Variants in LRRC4C observed in about 807,000 individuals in gnomAD.
LRRC4C encodes the protein leucine rich repeat containing 4C, also known as leucine-rich repeat-containing protein 4C.
In LRRC4C, 5 loss-of-function variants were observed where a neutral mutation model predicts 33.6. That is an observed-to-expected ratio of 0.15 (90% CI 0.08 to 0.31). The LOEUF is 0.31. Ranked by LOEUF, LRRC4C falls within the 10% of genes least tolerant of loss-of-function variation. The pLI is 1.00. For synonymous variants in LRRC4C, 329 were observed against 302.0 expected, an observed-to-expected ratio of 1.09 and a Z score of -0.93; for missense variants, 560 against 796.7, an observed-to-expected ratio of 0.70 and a Z score of 3.58.
rs144179757 is a variant in LRRC4C at position 40,331,879 on chromosome 11, A to G, written c.-269-12158T>C. On this transcript the variant is annotated intron_variant, in intron 3 of 6. Transcript: ENST00000528697. ...CATATTGTGGTACTTCATAGTTTCC[A>G]TAATTACATAAGCCAATTCTCATAA... Among the ~76,000 whole-genome samples the G allele has an allele frequency of 8.5e-3, 1,288 of 152,282 alleles. 10 individuals are homozygous for G. Among genetic ancestry groups the G allele is most frequent in the Non-Finnish European group, 0.012 (788 of 68,018 alleles).
At chr11:40,887,027 A>T (rs964024417) in intron 2 of LRRC4C, among the ~76,000 whole-genome samples, 1 of 150,338 alleles carries the variant, frequency 6.7e-6, no homozygotes, top group African/African-American at 2.4e-5. Context: ...CATACGAGAA[A>T]ATATATATAT....
chr11:40,539,193 CA>C (rs1255267085), intron 3 of LRRC4C, among the ~76,000 whole-genome samples: 1 of 152,196 alleles, frequency 6.6e-6, no homozygotes, highest in African/African-American at 2.4e-5. Context: ...TCAGGACTCA[CA>C]GATGCTTTCA....
At chr11:40,368,391 C>G (rs557696372) in intron 3 of LRRC4C, among the ~76,000 whole-genome samples, 5 of 152,110 alleles carry the variant, frequency 3.3e-5, no homozygotes, top group South Asian at 2.1e-4. Context: ...TCTGTGGGAG[C>G]CTGAATCAAA....
At chr11:40,681,817 C>G (rs1031340907) in intron 2 of LRRC4C, among the ~76,000 whole-genome samples, 1 of 152,116 alleles carries the variant, frequency 6.6e-6, no homozygotes, top group Non-Finnish European at 1.5e-5. Context: ...AGATTAGAGA[C>G]TATTATTCTA....
In LRRC4C at chr11:40,255,170, G is replaced by A. The variant is rs1867105479; in HGVS notation, c.-175-13572C>T. The stretch of plus-strand genomic sequence containing the variant: ...CCAGTCAATCAGGGAGGATGTACAG[G>A]AAGTATGAGGATAGGACTATACTTT... On this transcript the variant is annotated intron_variant, in intron 4 of 6. Coordinates refer to ENST00000528697, the MANE Select transcript of LRRC4C (RefSeq NM_001258419.2). Among the ~76,000 whole-genome samples, 3 of 152,172 alleles carry A rather than the reference G, an allele frequency of 2.0e-5. No individual in the cohort carries two copies. The South Asian group carries it at 6.2e-4, about 32-fold the overall frequency.
intron 2 of LRRC4C, among the ~76,000 whole-genome samples, chr11:40,749,329 T>C (rs561161076): frequency 2.6e-5 from 4 of 151,486 alleles, no homozygotes; most frequent in Non-Finnish European, 4.4e-5. Context: ...TTGGAAATGA[T>C]ACAAATACAT....
rs1042690445 is a variant in LRRC4C at position 40,832,619 on chromosome 11, G to A, written c.-407+101016C>T. ...CACAAATGGCAAGCAAATAAAAGCC[G>A]CGGTGGGAATCTAGTACTTGTGTCT... On this transcript the variant is annotated intron_variant, in intron 2 of 6. Coordinates refer to ENST00000528697, the MANE Select transcript of LRRC4C (RefSeq NM_001258419.2). 4.0e-4 allele frequency among the ~76,000 whole-genome samples: 61 copies of A among 152,174 alleles called. 1 individual carries two copies. Among genetic ancestry groups the A allele is most frequent in the East Asian group, 3.3e-3 (17 of 5,170 alleles).
chr11:40,579,274 A>G (rs1958357100), intron 3 of LRRC4C, among the ~76,000 whole-genome samples: 1 of 151,954 alleles, frequency 6.6e-6, no homozygotes, highest in African/African-American at 2.4e-5. Flanking sequence ...CAGAGGTTGC[A>G]GTGAGCTGAG....
intron 3 of LRRC4C, among the ~76,000 whole-genome samples, chr11:40,363,244 A>G (rs1948046614): frequency 1.3e-5 from 2 of 152,242 alleles, no homozygotes; most frequent in African/African-American, 4.8e-5. Context: ...GAATGAGACC[A>G]TGTCCTTTGC....
At chr11:41,443,584 T>TTTCTTTTCTCTC in intron 1 of LRRC4C, among the ~76,000 whole-genome samples, 1 of 148,958 alleles carries the variant, frequency 6.7e-6, no homozygotes, top group Non-Finnish European at 1.5e-5. Context: ...CTTTCTTTCT[T>TTTCTTTTCTCTC]TTTCTTTTCT....
chr11:40,630,527 C>T (rs1963398154), intron 3 of LRRC4C, among the ~76,000 whole-genome samples: 1 of 151,766 alleles, frequency 6.6e-6, no homozygotes, highest in Non-Finnish European at 1.5e-5. Context: ...AGGAAAAATG[C>T]TATATAAAAC....
intron 1 of LRRC4C, among the ~76,000 whole-genome samples, chr11:41,233,834 T>C (rs967861392): frequency 3.3e-5 from 5 of 152,088 alleles, no homozygotes; most frequent in African/African-American, 7.2e-5. Flanking sequence ...TTCTAGACTT[T>C]GCTATTTTAA....
intron 2 of LRRC4C, among the ~76,000 whole-genome samples, chr11:40,775,375 A>C (rs983299489): frequency 3.3e-5 from 5 of 151,772 alleles, no homozygotes; most frequent in African/African-American, 1.2e-4. Context: ...GCGCCACTGC[A>C]CTCCAGCCTG....
chr11:40,500,333 C>CA (rs1359615484), intron 3 of LRRC4C, among the ~76,000 whole-genome samples: 1 of 128,308 alleles, frequency 7.8e-6, no homozygotes, highest in Non-Finnish European at 1.7e-5. Flanking sequence ...CACACACACA[C>CA]ATTATATATA....
At chr11:41,132,569 T>C (rs1435723558) in intron 1 of LRRC4C, among the ~76,000 whole-genome samples, 2 of 152,076 alleles carry the variant, frequency 1.3e-5, no homozygotes, top group African/African-American at 2.4e-5. Context: ...ACTAAAACTA[T>C]GGTTTAAGCA....
At chr11:41,112,213 A>G (rs554754781) in intron 1 of LRRC4C, among the ~76,000 whole-genome samples, 13 of 152,168 alleles carry the variant, frequency 8.5e-5, no homozygotes, top group African/African-American at 3.1e-4. Flanking sequence ...CCTACATCCA[A>G]TGAGGTAAGT....
At chr11:40,265,339 G>C (rs1942168799) in intron 4 of LRRC4C, among the ~76,000 whole-genome samples, 1 of 152,104 alleles carries the variant, frequency 6.6e-6, no homozygotes, top group African/African-American at 2.4e-5. Flanking sequence ...TGCAGCTGTT[G>C]AAGTAACTTA....
rs1025679731 is a variant in LRRC4C at position 40,200,199 on chromosome 11, A to G, written c.-96+41320T>C. On this transcript the variant is annotated intron_variant, in intron 5 of 6. Transcript: ENST00000528697. ...CTCCACTAAAAAAAAAAAAAAAAAAAAAAAAAAAAAAAAAAATAGCCATTC... is the reference window on the plus strand; with the variant it reads ...CTCCACTAAAAAAAAAAAAAAAAAAGAAAAAAAAAAAAAAAATAGCCATTC... Among the ~76,000 whole-genome samples, 8 of 144,356 alleles carry G rather than the reference A, an allele frequency of 5.5e-5. No homozygotes were observed. In the East Asian group the frequency reaches 1.7e-3, roughly 30 times the overall value. 94.7% of individuals were successfully genotyped at this position (144,356 alleles called of 152,430 possible).
intron 5 of LRRC4C, among the ~76,000 whole-genome samples, chr11:40,186,011 T>A (rs1216235039): frequency 2.0e-5 from 3 of 152,160 alleles, no homozygotes; most frequent in African/African-American, 7.2e-5. Flanking sequence ...AGAATCCAAT[T>A]TACCTCTCCT....
Sources: allele counts gnomAD v4.1 joint callset (sites outside exome capture counted in the v4.1 genomes callset), GRCh38; gene constraint gnomAD v4.1.1; transcripts MANE v1.5; gene names NCBI Gene and HGNC (gene_info 2026-07-23, HGNC 2026-07-21).